ERBB4: variants seen among roughly 807,000 people sequenced by gnomAD.
ERBB4 encodes erb-b2 receptor tyrosine kinase 4.
In ERBB4, 42 loss-of-function variants were observed where a neutral mutation model predicts 158.0. The ratio of observed to expected loss-of-function variants is 0.27; its 90% CI spans 0.21 to 0.34. ERBB4 has a LOEUF of 0.34. ERBB4 is among the 10% of genes least tolerant of loss of function. ERBB4 has a pLI of 1.00. For synonymous variants in ERBB4, 583 were observed against 558.7 expected (o/e 1.04, Z -0.61); for missense variants, 1,333 against 1,624.1 (o/e 0.82, Z 3.08).
intron 1 of ERBB4, among the ~76,000 whole-genome samples, chr2:212,209,019 C>G (rs1333148978): frequency 1.3e-5 from 2 of 152,056 alleles, no homozygotes; most frequent in African/African-American, 4.8e-5. Flanking sequence ...CAGCTTGTAT[C>G]TCAGAACATA....
At chr2:211,884,912 T>C (rs996356889) in intron 3 of ERBB4, among the ~76,000 whole-genome samples, 20 of 152,310 alleles carry the variant, frequency 1.3e-4, no homozygotes, top group South Asian at 4.1e-4. Flanking sequence ...TCAACAATAG[T>C]ATTACTCTAT....
intron 19 of ERBB4, among the ~76,000 whole-genome samples, chr2:211,575,737 C>T (rs2067869674): frequency 6.6e-6 from 1 of 152,102 alleles, no homozygotes; most frequent in Non-Finnish European, 1.5e-5. Flanking sequence ...ACTTAATAAA[C>T]TATATCAAAC....
At chr2:211,543,177 C>T (rs1007447402) in intron 20 of ERBB4, among the ~76,000 whole-genome samples, 7 of 151,854 alleles carry the variant, frequency 4.6e-5, no homozygotes, top group Non-Finnish European at 7.4e-5. Flanking sequence ...AATTGTTTAT[C>T]AGCCTTTTTC....
intron 1 of ERBB4, among the ~76,000 whole-genome samples, chr2:212,160,216 G>A (rs1001445457): frequency 6.6e-6 from 1 of 151,930 alleles, no homozygotes. Context: ...TAAGCATAAG[G>A]AACCCTGGAT....
chr2:212,512,499 T>TTTTG (rs375646124), intron 1 of ERBB4, among the ~76,000 whole-genome samples: 2 of 152,142 alleles, frequency 1.3e-5, no homozygotes, highest in African/African-American at 2.4e-5. Context: ...TTTGCATGGT[T>TTTTG]TTTGTTTGTT....
intron 1 of ERBB4, among the ~76,000 whole-genome samples, chr2:212,161,058 AAT>A (rs2081189315): frequency 6.6e-6 from 1 of 152,004 alleles, no homozygotes; most frequent in African/African-American, 2.4e-5. Flanking sequence ...AATATTCATA[AAT>A]ATGTCATCTC....
chr2:212,062,020 C>A (rs1167547088), intron 2 of ERBB4, among the ~76,000 whole-genome samples: 1 of 152,140 alleles, frequency 6.6e-6, no homozygotes, highest in Non-Finnish European at 1.5e-5. Flanking sequence ...CAGGCATGAG[C>A]CACTGCACCT....
chr2:212,027,889 C>T (rs1242410933), intron 2 of ERBB4, among the ~76,000 whole-genome samples: 1 of 151,950 alleles, frequency 6.6e-6, no homozygotes, highest in Non-Finnish European at 1.5e-5. Context: ...CAAAAACTTC[C>T]ATAACTGGAG....
chr2:212,500,825 G>A (rs1260056973), intron 1 of ERBB4, among the ~76,000 whole-genome samples: 1 of 152,034 alleles, frequency 6.6e-6, no homozygotes, highest in Non-Finnish European at 1.5e-5. Context: ...AAAAGAAGGA[G>A]ATTTAAAAAA....
intron 20 of ERBB4, among the ~76,000 whole-genome samples, chr2:211,560,692 A>T (rs1231610411): frequency 6.6e-6 from 1 of 152,196 alleles, no homozygotes; most frequent in Non-Finnish European, 1.5e-5. Context: ...GAAGTGCTAT[A>T]TTTCAAACTT....
At chr2:211,688,909 T>C (rs1260125228) in intron 12 of ERBB4, among the ~76,000 whole-genome samples, 1 of 152,172 alleles carries the variant, frequency 6.6e-6, no homozygotes, top group Non-Finnish European at 1.5e-5. Context: ...TAAATTATTT[T>C]AGGTAACTCA....
intron 20 of ERBB4, among the ~76,000 whole-genome samples, chr2:211,516,757 C>G (rs1045878023): frequency 1.3e-5 from 2 of 152,110 alleles, no homozygotes; most frequent in Non-Finnish European, 2.9e-5. Context: ...ATTATTGCAT[C>G]TCTAAGGGAC....
At chr2:211,483,154 A>G (rs2065126436) in intron 20 of ERBB4, among the ~76,000 whole-genome samples, 1 of 152,098 alleles carries the variant, frequency 6.6e-6, no homozygotes. Context: ...ATAGAGAAAT[A>G]GGAACCATCA....
chr2:211,392,684 T>A (rs1228058418), intron 25 of ERBB4, among the ~76,000 whole-genome samples: 2 of 152,076 alleles, frequency 1.3e-5, no homozygotes, highest in East Asian at 3.9e-4. Flanking sequence ...TTGTTTGTTT[T>A]TCGAGATGGA....
chr2:211,652,801 A>C (rs2071043551), intron 16 of ERBB4, among the ~76,000 whole-genome samples: 1 of 152,222 alleles, frequency 6.6e-6, no homozygotes, highest in Admixed American at 6.5e-5. Context: ...AATGCTTGAT[A>C]TCTAGCTGTT....
At chr2:212,399,725 A>AAAAAAT in intron 1 of ERBB4, among the ~76,000 whole-genome samples, 1 of 149,746 alleles carries the variant, frequency 6.7e-6, no homozygotes, top group African/African-American at 2.4e-5. Context: ...AAAAAAAAAA[A>AAAAAAT]ATTAGCCTGC....
chr2:212,526,888 G>A lies in ERBB4; in HGVS notation c.82+11561C>T, dbSNP rs575661993. On this transcript the variant is annotated intron_variant, in intron 1 of 27. Transcript: ENST00000342788. ...GCACAGCTGTATTATCAGAGTAAACGTGTATTTGTAAACTGTATGGGAACT... is the reference window on the plus strand; with the variant it reads ...GCACAGCTGTATTATCAGAGTAAACATGTATTTGTAAACTGTATGGGAACT... 3.8e-4 allele frequency among the ~76,000 whole-genome samples: 58 copies of A among 152,152 alleles called. 2 individuals carry two copies. The South Asian group carries it at 0.012, about 31-fold the overall frequency.
At chr2:211,539,791 A>G (rs139608663) in intron 20 of ERBB4, among the ~76,000 whole-genome samples, 2 of 152,030 alleles carry the variant, frequency 1.3e-5, no homozygotes, top group Non-Finnish European at 2.9e-5. Flanking sequence ...AGGTTTTTTT[A>G]TGTTCATTGT....
intron 1 of ERBB4, among the ~76,000 whole-genome samples, chr2:212,442,136 T>C (rs916352972): frequency 4.6e-4 from 66 of 142,926 alleles, no homozygotes; most frequent in African/African-American, 1.6e-3. Context: ...TGTAGAGCTC[T>C]GGCATTGGCT....
Sources: gnomAD v4.1 joint callset for allele counts (sites outside exome capture counted in the v4.1 genomes callset) on GRCh38, gnomAD v4.1.1 for gene constraint, MANE v1.5 for transcripts, NCBI Gene and HGNC (gene_info 2026-07-23, HGNC 2026-07-21) for gene names.